HTR4: variants seen among roughly 807,000 people sequenced by gnomAD.
HTR4 encodes the protein 5-hydroxytryptamine receptor 4, also known as 5-hydroxytryptamine (serotonin) receptor 4, G protein-coupled.
A neutral mutation model predicts 36.8 loss-of-function variants in HTR4; 16 were observed. That is an observed-to-expected ratio of 0.43 (90% confidence interval 0.29 to 0.66). The LOEUF is 0.66. Ranked by LOEUF, HTR4 falls within the 30% of genes least tolerant of loss-of-function variation. The pLI is 0.13. For synonymous variants in HTR4, 189 were observed against 185.1 expected (o/e 1.02, Z -0.17); for missense variants, 438 against 490.9 (o/e 0.89, Z 1.02).
At chr5:148,472,752 T>C (rs899613855), downstream of HTR4, among the ~76,000 whole-genome samples, 1 of 152,132 alleles carries the variant, frequency 6.6e-6, no homozygotes, top group Non-Finnish European at 1.5e-5. Flanking sequence ...GCACACAGCC[T>C]GAGAGCTGAA....
intron 3 of HTR4, 107 bp downstream of exon 3, chr5:148,550,030 T>C: frequency 8.6e-7 from 1 of 1,157,066 alleles, no homozygotes; most frequent in Non-Finnish European, 1.2e-6. Flanking sequence ...TTCCCATGAA[T>C]GTTTTCTTTC....
chr5:148,570,433 C>A (rs2113880070), intron 2 of HTR4, among the ~76,000 whole-genome samples: 1 of 152,160 alleles, frequency 6.6e-6, no homozygotes, highest in Middle Eastern at 3.4e-3. Flanking sequence ...GTAACATTGA[C>A]CCTGATGGGA....
chr5:148,465,956 T>G (rs777612878), intron 5 of HTR4: 2 of 1,605,308 alleles, frequency 1.2e-6, no homozygotes, highest in Non-Finnish European at 1.7e-6. Flanking sequence ...CAGCCACAGA[T>G]GAGGGAGAGC....
rs192474304 is a variant in HTR4 at position 148,504,642 on chromosome 5, T to C, written c.1076+4814A>G. Among the ~76,000 whole-genome samples, 1,256 of 151,796 alleles carry C rather than the reference T, an allele frequency of 8.3e-3. 14 individuals carry two copies. The highest frequency in any genetic ancestry group is 0.029 in the African/African-American group (1,208 of 41,358). On this transcript the variant is annotated intron_variant, in intron 6 of 6. Transcript: ENST00000377888. ...AGCAGAAGGCAAGAAATAACTAAGA[T>C]CAGAGCAGAACTGAAGGAAATAGAG...
intron 2 of HTR4, among the ~76,000 whole-genome samples, chr5:148,573,872 C>G (rs553127449): frequency 1.2e-4 from 12 of 98,806 alleles, no homozygotes; most frequent in Non-Finnish European, 2.0e-4. Context: ...ATCTAGTAGA[C>G]TAATGGTCTA....
At chr5:148,596,219 C>T (rs533442942) in intron 2 of HTR4, among the ~76,000 whole-genome samples, 1 of 152,198 alleles carries the variant, frequency 6.6e-6, no homozygotes, top group Non-Finnish European at 1.5e-5. Context: ...TAGTATGTGC[C>T]GATAATATCT....
intron 2 of HTR4, among the ~76,000 whole-genome samples, chr5:148,607,324 TTCGG>T: frequency 6.6e-6 from 1 of 152,196 alleles, no homozygotes; most frequent in Non-Finnish European, 1.5e-5. Context: ...GTTCAGATAC[TTCGG>T]TCAAAAAGTT....
At chr5:148,494,184 G>A in intron 6 of HTR4, among the ~76,000 whole-genome samples, 1 of 152,144 alleles carries the variant, frequency 6.6e-6, no homozygotes, top group East Asian at 1.9e-4. Flanking sequence ...GCTTATTCTG[G>A]CATGCACAGT....
chr5:148,457,185 T>C (rs1755120723), intron 5 of HTR4, among the ~76,000 whole-genome samples: 1 of 151,996 alleles, frequency 6.6e-6, no homozygotes. Context: ...CCCTGTTCCA[T>C]TTGGTGCGAG....
In HTR4 at chr5:148,458,118, TTAAAA is replaced by T. The variant is rs1337832650; in HGVS notation, c.1077-6851_1077-6847del. 3.0e-3 allele frequency among the ~76,000 whole-genome samples: 161 copies of T among 53,304 alleles called. 1 individual carries two copies. Among genetic ancestry groups the T allele is most frequent in the African/African-American group, 6.9e-3 (153 of 22,158 alleles). The allele number at this position is 53,304 out of a possible 152,430, so 35.0% of individuals were successfully genotyped here. On this transcript the variant is annotated intron_variant, in intron 5 of 5. Transcript: ENST00000521530. ...TATTTTAATATCTATTAAATAGATCTTAAAATATAATATATTTTAATATCTATTTA... is the reference window on the plus strand; with the variant it reads ...TATTTTAATATCTATTAAATAGATCTTATAATATATTTTAATATCTATTTA...
At chr5:148,578,289 T>C (rs1224497830) in intron 2 of HTR4, among the ~76,000 whole-genome samples, 7 of 152,010 alleles carry the variant, frequency 4.6e-5, no homozygotes, top group African/African-American at 1.4e-4. Flanking sequence ...TGAACTATTT[T>C]GCAATAAATT....
chr5:148,497,168 T>C (rs1301504034), intron 6 of HTR4, among the ~76,000 whole-genome samples: 1 of 152,170 alleles, frequency 6.6e-6, no homozygotes, highest in Non-Finnish European at 1.5e-5. Flanking sequence ...TTATTGCTTC[T>C]GTGGATGGTG....
chr5:148,624,669 C>T (rs74809414), intron 2 of HTR4, among the ~76,000 whole-genome samples: 351 of 152,308 alleles, frequency 2.3e-3, no homozygotes, highest in African/African-American at 7.8e-3. Flanking sequence ...TCTCCCGTCT[C>T]TTCTCCAAAT....
At chr5:148,455,493 G>T (rs1755080031) in intron 5 of HTR4, among the ~76,000 whole-genome samples, 1 of 152,134 alleles carries the variant, frequency 6.6e-6, no homozygotes, top group African/African-American at 2.4e-5. Context: ...TGAGTCACTT[G>T]TCAGGAATAA....
intron 6 of HTR4, among the ~76,000 whole-genome samples, chr5:148,492,743 A>C (rs373474992): frequency 3.9e-5 from 6 of 152,358 alleles, no homozygotes; most frequent in African/African-American, 1.4e-4. Context: ...TCCATTTTAC[A>C]GATGAAGAAA....
chr5:148,537,298 A>G (rs932626708), intron 4 of HTR4, among the ~76,000 whole-genome samples: 2 of 152,164 alleles, frequency 1.3e-5, no homozygotes, highest in Non-Finnish European at 2.9e-5. Flanking sequence ...AAGATCTCAA[A>G]TGAACAACCT....
intron 5 of HTR4, among the ~76,000 whole-genome samples, chr5:148,453,775 C>CCT (rs1355531651): frequency 2.6e-5 from 4 of 152,234 alleles, no homozygotes; most frequent in African/African-American, 9.6e-5. Flanking sequence ...GTCTGAATGG[C>CCT]CTCTCAGCAG....
At chr5:148,515,796 CTTCT>C (rs1757721294) in intron 5 of HTR4, among the ~76,000 whole-genome samples, 1 of 151,802 alleles carries the variant, frequency 6.6e-6, no homozygotes, top group East Asian at 1.9e-4. Flanking sequence ...ATATAGTTTT[CTTCT>C]TTATTTAACC....
intron 2 of HTR4, among the ~76,000 whole-genome samples, chr5:148,596,689 G>T (rs1561641058): frequency 6.6e-6 from 1 of 151,310 alleles, no homozygotes; most frequent in Admixed American, 6.6e-5. Context: ...GGAGGGAGGG[G>T]GGTGGGAGGT....
Sources: allele counts gnomAD v4.1 joint callset (sites outside exome capture counted in the v4.1 genomes callset), GRCh38; gene constraint gnomAD v4.1.1; transcripts MANE v1.5; gene names NCBI Gene and HGNC (gene_info 2026-07-23, HGNC 2026-07-21).